EPHA5: variants seen among roughly 807,000 people sequenced by gnomAD.
EPHA5 encodes the protein EPH receptor A5, also known as ephrin type-A receptor 5.
EPHA5 carries 60 observed loss-of-function variants against 105.0 expected under a neutral mutation model. The observed-to-expected ratio is 0.57, with a 90% confidence interval of 0.46 to 0.71. EPHA5 has a LOEUF of 0.71. EPHA5 is among the 30% of genes least tolerant of loss of function. EPHA5 has a pLI of 0.00. For missense variants in EPHA5, 1,218 were observed against 1,274.7 expected (o/e 0.96, Z 0.68); for synonymous variants, 513 against 449.1 (o/e 1.14, Z -1.80).
At chr4:65,516,744 C>G (rs1734143210) in intron 3 of EPHA5, among the ~76,000 whole-genome samples, 1 of 151,956 alleles carries the variant, frequency 6.6e-6, no homozygotes, top group Non-Finnish European at 1.5e-5. Context: ...ATCTATTTGC[C>G]TTTTATTTCT....
intron 5 of EPHA5, among the ~76,000 whole-genome samples, chr4:65,445,738 T>C (rs1475691129): frequency 6.6e-6 from 1 of 152,192 alleles, no homozygotes; most frequent in Non-Finnish European, 1.5e-5. Context: ...TTTAATGTTC[T>C]TGTACAAAAA....
chr4:65,399,997 G>C (rs1457948474), intron 8 of EPHA5, among the ~76,000 whole-genome samples: 2 of 152,046 alleles, frequency 1.3e-5, no homozygotes, highest in Non-Finnish European at 2.9e-5. Context: ...AATTTACACT[G>C]TCTGAAATAA....
At chr4:65,656,329 T>G (rs1033324233) in intron 1 of EPHA5, among the ~76,000 whole-genome samples, 13 of 151,450 alleles carry the variant, frequency 8.6e-5, no homozygotes, top group Admixed American at 4.6e-4. Flanking sequence ...AGTTACCTGA[T>G]GAACTGACAG....
At chr4:65,402,509 A>G (rs35879412) in intron 8 of EPHA5, among the ~76,000 whole-genome samples, 24,657 of 152,096 alleles carry the variant, frequency 0.16, 2,088 homozygotes, top group Middle Eastern at 0.25. Context: ...ACACCAACAT[A>G]TTTCTTATAT....
chr4:65,553,915 AT>A (rs1200230009), intron 3 of EPHA5, among the ~76,000 whole-genome samples: 1 of 152,032 alleles, frequency 6.6e-6, no homozygotes, highest in Non-Finnish European at 1.5e-5. Flanking sequence ...GTTTGATTTC[AT>A]TTTTTATATT....
At chr4:65,440,627 T>A (rs1725924425) in intron 5 of EPHA5, among the ~76,000 whole-genome samples, 1 of 151,906 alleles carries the variant, frequency 6.6e-6, no homozygotes, top group Non-Finnish European at 1.5e-5. Flanking sequence ...ATAAGCTAAT[T>A]TTTTTGTAGC....
At chr4:65,354,286 A>G (rs1192339835) in intron 11 of EPHA5, among the ~76,000 whole-genome samples, 1 of 151,828 alleles carries the variant, frequency 6.6e-6, no homozygotes, top group Admixed American at 6.6e-5. Flanking sequence ...AAGAGAATAG[A>G]TCATCTCATT....
chr4:65,615,686 A>T (rs1745167538), intron 2 of EPHA5, among the ~76,000 whole-genome samples: 1 of 151,960 alleles, frequency 6.6e-6, no homozygotes, highest in Admixed American at 6.6e-5. Context: ...AAATGATGCT[A>T]AATGTCATTA....
chr4:65,339,726 C>T (rs1721525073), intron 14 of EPHA5, among the ~76,000 whole-genome samples: 1 of 152,108 alleles, frequency 6.6e-6, no homozygotes, highest in Non-Finnish European at 1.5e-5. Context: ...CCCAGCAGCT[C>T]AGGGCACAAG....
intron 3 of EPHA5, among the ~76,000 whole-genome samples, chr4:65,576,003 A>AG (rs1491324168): frequency 5.6e-4 from 37 of 65,760 alleles, no homozygotes; most frequent in South Asian, 1.8e-3. Flanking sequence ...AGAGAGAGAG[A>AG]AAGAAAGAAA....
At chr4:65,546,201 C>G (rs1737355918) in intron 3 of EPHA5, among the ~76,000 whole-genome samples, 1 of 152,000 alleles carries the variant, frequency 6.6e-6, no homozygotes, top group Admixed American at 6.6e-5. Context: ...CAGTGAGAGT[C>G]TGGCAGCACT....
chr4:65,369,803 C>T (rs918155434), intron 8 of EPHA5, among the ~76,000 whole-genome samples: 1 of 151,980 alleles, frequency 6.6e-6, no homozygotes, highest in Non-Finnish European at 1.5e-5. Flanking sequence ...CCAGTATCTA[C>T]TAAAAATACA....
chr4:65,348,811 A>ATTTTTTTTT (rs1237822654), intron 13 of EPHA5, among the ~76,000 whole-genome samples: 1 of 56,404 alleles, frequency 1.8e-5, no homozygotes, highest in Non-Finnish European at 3.3e-5. Flanking sequence ...ATATATATAT[A>ATTTTTTTTT]TATATTTTTT....
chr4:65,561,538 G>A (rs1262942025), intron 3 of EPHA5, among the ~76,000 whole-genome samples: 2 of 151,958 alleles, frequency 1.3e-5, no homozygotes, highest in African/African-American at 4.8e-5. Flanking sequence ...TGTTCACAGT[G>A]GTCCATTGAT....
chr4:65,580,738 G>T (rs1281188378), intron 3 of EPHA5, among the ~76,000 whole-genome samples: 1 of 150,604 alleles, frequency 6.6e-6, no homozygotes, highest in East Asian at 1.9e-4. Context: ...AAAGACTTCA[G>T]ACCCTTATCA....
intron 1 of EPHA5, among the ~76,000 whole-genome samples, chr4:65,655,468 G>T (rs930005845): frequency 6.6e-6 from 1 of 151,994 alleles, no homozygotes. Flanking sequence ...CTATGCCTTG[G>T]CTCAATGAGG....
intron 11 of EPHA5, among the ~76,000 whole-genome samples, chr4:65,364,199 C>A (rs1257294038): frequency 6.6e-6 from 1 of 151,594 alleles, no homozygotes; most frequent in Non-Finnish European, 1.5e-5. Context: ...CCTCTCTGAG[C>A]ATGCTTCCTG....
rs116295425 is a variant in EPHA5, at chr4:65,498,804, T to G, written c.911-3261A>C. Among the ~76,000 whole-genome samples, 725 of 151,724 alleles carry G rather than the reference T, an allele frequency of 4.8e-3. 6 individuals carry two copies. Among genetic ancestry groups the G allele is most frequent in the African/African-American group, 0.017 (690 of 41,490 alleles). Reference sequence around the variant, plus strand: ...TTTGAGGTGGTTGAAGTAATGCAAATAGATGTTTAGAGAGAAAAAAAACCT... The same window carrying G: ...TTTGAGGTGGTTGAAGTAATGCAAAGAGATGTTTAGAGAGAAAAAAAACCT... On this transcript the variant is annotated intron_variant, in intron 3 of 16. Coordinates refer to ENST00000613740, the MANE Select transcript of EPHA5 (RefSeq NM_001281766.3).
chr4:65,483,445 C>G (rs995252342), intron 5 of EPHA5, among the ~76,000 whole-genome samples: 7 of 151,358 alleles, frequency 4.6e-5, no homozygotes, highest in African/African-American at 1.7e-4. Flanking sequence ...CACTGACTTC[C>G]ACAATGGTTG....
Sources: gnomAD v4.1 joint callset for allele counts (sites outside exome capture counted in the v4.1 genomes callset) on GRCh38, gnomAD v4.1.1 for gene constraint, MANE v1.5 for transcripts, NCBI Gene and HGNC (gene_info 2026-07-23, HGNC 2026-07-21) for gene names.